The following TNPO1 variants were observed in gnomAD, a reference collection of about 807,000 sequenced individuals.
The protein encoded by TNPO1 is transportin 1, also known as transportin-1.
Under a neutral mutation model 119.5 loss-of-function variants are expected in TNPO1, and 8 were observed. The observed-to-expected ratio is 0.07, with a 90% CI of 0.04 to 0.12. The LOEUF is 0.12. TNPO1 is among the 10% of genes least tolerant of loss of function. TNPO1 has a pLI of 1.00. For synonymous variants in TNPO1, 362 were observed against 363.0 expected (o/e 1.00, Z 0.03); for missense variants, 576 against 1,089.8 (o/e 0.53, Z 6.64).
At chr5:72,858,701 G>A (rs1320960129) in intron 4 of TNPO1, among the ~76,000 whole-genome samples, 1 of 152,142 alleles carries the variant, frequency 6.6e-6, no homozygotes, top group Non-Finnish European at 1.5e-5. Flanking sequence ...TCCGGGTGTG[G>A]TGGTGGGCAC....
chr5:72,826,608 C>T (rs1409775718), intron 1 of TNPO1, among the ~76,000 whole-genome samples: 2 of 152,042 alleles, frequency 1.3e-5, no homozygotes, highest in Non-Finnish European at 2.9e-5. Flanking sequence ...ATGAATTGTT[C>T]GTGATGGTGC....
In TNPO1 at chr5:72,906,649, A is replaced by G. The variant is rs533281874; in HGVS notation, c.*35+1204A>G. 1.1e-4 allele frequency among the ~76,000 whole-genome samples: 17 copies of G among 152,280 alleles called. No homozygotes were observed. The East Asian group carries it at 2.7e-3, about 24-fold the overall frequency. ...ATTCTGTTTTAATTTGGGATGGACT[A>G]TATTCATTTGGACTCTTGCTCCTTG... On this transcript the variant is annotated intron_variant, in intron 24 of 24. Transcript: ENST00000337273.
intron 20 of TNPO1, among the ~76,000 whole-genome samples, chr5:72,898,335 T>C (rs1749585172): frequency 6.6e-6 from 1 of 152,160 alleles, no homozygotes. Flanking sequence ...AGCTGGTGAA[T>C]TTGTTACATA....
chr5:72,817,664 A>G (rs1372683690), intron 1 of TNPO1, among the ~76,000 whole-genome samples: 1 of 152,208 alleles, frequency 6.6e-6, no homozygotes, highest in Non-Finnish European at 1.5e-5. Flanking sequence ...GTCCTTTGAA[A>G]CAGTAATGAC....
chr5:72,851,007 G>A (rs1745503593), intron 2 of TNPO1, among the ~76,000 whole-genome samples: 1 of 151,960 alleles, frequency 6.6e-6, no homozygotes, highest in Non-Finnish European at 1.5e-5. Flanking sequence ...ACTTTCTTAT[G>A]TTGTATTGCA....
intron 1 of TNPO1, among the ~76,000 whole-genome samples, chr5:72,820,700 T>C (rs947654027): frequency 2.6e-5 from 4 of 152,208 alleles, no homozygotes; most frequent in African/African-American, 7.2e-5. Flanking sequence ...CTGTTTTATT[T>C]GTATACTTTT....
intron 9 of TNPO1, among the ~76,000 whole-genome samples, chr5:72,878,191 GGTT>G (rs1285208415): frequency 2.0e-5 from 3 of 151,984 alleles, no homozygotes; most frequent in African/African-American, 7.3e-5. Context: ...TGAATATTTA[GGTT>G]GTTTTGGCTT....
chr5:72,860,751 A>G (rs1332178793), intron 4 of TNPO1, among the ~76,000 whole-genome samples: 1 of 152,098 alleles, frequency 6.6e-6, no homozygotes, highest in Non-Finnish European at 1.5e-5. Flanking sequence ...TTTTCCTACC[A>G]TGGTCCTTGG....
Position 72,883,250 on chromosome 5 carries a change from A to C in TNPO1, c.1150+18A>C, listed in dbSNP as rs1399209987. 8.3e-7 allele frequency: 1 copy of C among 1,197,882 alleles called. No individual in the cohort carries two copies. Among genetic ancestry groups the C allele is most frequent in the Non-Finnish European group, 1.2e-6 (1 of 805,432 alleles). The allele number at this position is 1,197,882 out of a possible 1,614,324, so 74.2% of individuals were successfully genotyped here. On this transcript the variant is annotated intron_variant, in intron 11 of 24. Transcript: ENST00000337273. ...GAATCTAAGTAAGTCAGAAAGGGAAAAGCACAGTTGCCTACTTTGATGATA... is the reference window on the plus strand; with the variant it reads ...GAATCTAAGTAAGTCAGAAAGGGAACAGCACAGTTGCCTACTTTGATGATA...
At position 72,827,757 on chromosome 5, in the gene TNPO1, AT is replaced by A. The variant is rs869074102; in HGVS notation, c.15+11015del. Among the ~76,000 whole-genome samples, 533 of 150,632 alleles carry A rather than the reference AT, an allele frequency of 3.5e-3. 6 individuals are homozygous for A. Among genetic ancestry groups the A allele is most frequent in the African/African-American group, 0.013 (516 of 41,050 alleles). On this transcript the variant is annotated intron_variant, in intron 1 of 24. Coordinates refer to ENST00000337273, the MANE Select transcript of TNPO1 (RefSeq NM_002270.4). Reference sequence around the variant, plus strand: ...AGGGAGACCCTGTCTCCACAAAAAAATTTTTTTTTTAAATTAGCTGGGCATG... The same window carrying A: ...AGGGAGACCCTGTCTCCACAAAAAAATTTTTTTTTAAATTAGCTGGGCATG...
At chr5:72,887,041 T>C (rs1346835735) in intron 11 of TNPO1, 29 bp from the exon 12 acceptor site, 1 of 1,586,632 alleles carries the variant, frequency 6.3e-7, no homozygotes, top group Non-Finnish European at 8.6e-7. Context: ...GAGGTTAATG[T>C]AATATTTTTG....
intron 1 of TNPO1, chr5:72,848,149 G>T: frequency 1.7e-6 from 2 of 1,201,990 alleles, no homozygotes; most frequent in South Asian, 2.5e-5. Flanking sequence ...CCTTGCGCTC[G>T]GCGGCCGCGG....
rs1218199841 is a variant in TNPO1 at position 72,912,624 on chromosome 5, C to T, written c.*3951C>T. ...GTGGTATAAAGCCCTCCTGACAAGC[C>T]TTTTGCCTACAGGTTTACCTGAAAA... is the stretch of plus-strand genomic sequence containing the variant. On this transcript the variant is annotated 3_prime_UTR_variant, in exon 25 of 25. Transcript: ENST00000337273. 1 of 152,398 alleles carries T rather than the reference C, an allele frequency of 6.6e-6. No individual in the cohort carries two copies. Among genetic ancestry groups the T allele is most frequent in the Non-Finnish European group, 1.5e-5 (1 of 67,900 alleles). The allele number at this position is 152,398 out of a possible 1,614,324, so 9.4% of individuals were successfully genotyped here. A position where few individuals can be genotyped will look rare whatever the true frequency, so the allele number is the denominator to read the frequency against.
At chr5:72,877,438 A>G in intron 9 of TNPO1, 92 bp downstream of exon 9, 1 of 680,988 alleles carries the variant, frequency 1.5e-6, no homozygotes, top group East Asian at 2.7e-5. Context: ...TTCTTTTGCC[A>G]TCAGGGAGTG....
chr5:72,845,743 G>A (rs772502878), intron 1 of TNPO1, among the ~76,000 whole-genome samples: 1 of 152,112 alleles, frequency 6.6e-6, no homozygotes, highest in South Asian at 2.1e-4. Flanking sequence ...CCTAGTTGAC[G>A]ACAGAAATAA....
intron 5 of TNPO1, among the ~76,000 whole-genome samples, chr5:72,863,620 G>T (rs1746652334): frequency 6.6e-6 from 1 of 151,976 alleles, no homozygotes; most frequent in Admixed American, 6.6e-5. Flanking sequence ...AATTAGCCAG[G>T]CATGGTGTCG....
intron 12 of TNPO1, 61 bp downstream of exon 12, chr5:72,887,283 AAGGCTAGGCTACTTTAAGGAATT>A: frequency 8.9e-7 from 1 of 1,122,268 alleles, no homozygotes. Context: ...AGGTACTAAT[AAGGCTAGGCTACTTTAAGGAATT>A]TCTATTTTGA....
intron 18 of TNPO1, among the ~76,000 whole-genome samples, chr5:72,895,418 C>T (rs897753579): frequency 6.6e-6 from 1 of 150,490 alleles, no homozygotes; most frequent in African/African-American, 2.5e-5. Flanking sequence ...CAACTAGGGG[C>T]AATTTTGCCA....
Position 72,897,169 on chromosome 5 carries a change from T to C in TNPO1, c.2338+18T>C. On this transcript the variant is annotated intron_variant, in intron 20 of 24. Coordinates refer to ENST00000337273, the MANE Select transcript of TNPO1 (RefSeq NM_002270.4). Reference sequence around the variant, plus strand: ...GAATACAGGTACCATATGACTGAACTGTTTCAGTGAAGAGAAAATTTGTTG... The same window carrying C: ...GAATACAGGTACCATATGACTGAACCGTTTCAGTGAAGAGAAAATTTGTTG... The C allele has an allele frequency of 6.5e-7, 1 of 1,527,256 alleles. No individual in the cohort carries two copies. Among genetic ancestry groups the C allele is most frequent in the Non-Finnish European group, 8.9e-7 (1 of 1,123,176 alleles). The allele number at this position is 1,527,256 out of a possible 1,614,324, so 94.6% of individuals were successfully genotyped here.
Sources: gnomAD v4.1 joint callset for allele counts (sites outside exome capture counted in the v4.1 genomes callset) on GRCh38, gnomAD v4.1.1 for gene constraint, MANE v1.5 for transcripts, NCBI Gene and HGNC (gene_info 2026-07-23, HGNC 2026-07-21) for gene names.